ZNF470: variants seen among roughly 807,000 people sequenced by gnomAD.
The protein encoded by ZNF470 is chondrogenesis zinc finger protein 1.
ZNF470 carries 13 observed loss-of-function variants against 13.9 expected under a neutral mutation model. The ratio of observed to expected loss-of-function variants is 0.94; its 90% CI spans 0.61 to 1.49. The LOEUF is 1.49. Ranked by LOEUF, ZNF470 falls within the 40% of genes most tolerant of loss-of-function variation. The pLI is 0.00. For missense variants in ZNF470, 929 were observed against 857.3 expected (o/e 1.08, Z -1.04); for synonymous variants, 293 against 282.9 (o/e 1.04, Z -0.36).
chr19:56,582,453 A>C lies in ZNF470; in HGVS notation c.*3870A>C, dbSNP rs1000377712. On this transcript the variant is annotated 3_prime_UTR_variant, in exon 6 of 6. Transcript: ENST00000330619. The stretch of plus-strand genomic sequence containing the variant: ...CCAAATTTAGAGACTATTTTTATGC[A>C]TTGTTAAAGTGGAATGCTGGTTAAA... The C allele has an allele frequency of 1.0e-6, 1 of 985,270 alleles. No individual in the cohort carries two copies. Among genetic ancestry groups the C allele is most frequent in the African/African-American group, 1.7e-5 (1 of 57,240 alleles). 61.0% of individuals were successfully genotyped at this position (985,270 alleles called of 1,614,324 possible). A position where few individuals can be genotyped will look rare whatever the true frequency, so the allele number is the denominator to read the frequency against.
At chr19:56,574,064 T>A (rs2044472527) in intron 3 of ZNF470, 1 of 536,304 alleles carries the variant, frequency 1.9e-6, no homozygotes, top group African/African-American at 2.1e-5. Context: ...ATTTAGCTCC[T>A]AACATGAATA....
chr19:56,572,371 A>AATATATATATATAT (rs1555772221), intron 3 of ZNF470, among the ~76,000 whole-genome samples: 5 of 17,242 alleles, frequency 2.9e-4, no homozygotes, highest in African/African-American at 1.7e-3. Context: ...AAAAAAAAAA[A>AATATATATATATAT]ATATATATAT....
chr19:56,577,796 A>T lies in ZNF470; in HGVS notation c.1367A>T (p.Asn456Ile). The change falls in exon 6 of 6, where the codon AAT (asparagine) becomes ATT (isoleucine). Residue 456 changes from asparagine to isoleucine, a missense_variant. Physicochemically the swap from Asn to Ile is moderately radical, Grantham distance 149. Transcript: ENST00000330619. ...IHTGEKPYEC[N>I]ICEKAFSHRG... ...ACAGGAGAGAAACCTTATGAATGCA[A>T]TATCTGTGAGAAAGCCTTCAGCCAT... 1 of 1,613,866 alleles carries T rather than the reference A, an allele frequency of 6.2e-7. No individual in the cohort carries two copies. Among genetic ancestry groups the T allele is most frequent in the Non-Finnish European group, 8.5e-7 (1 of 1,179,962 alleles).
intron 5 of ZNF470, among the ~76,000 whole-genome samples, chr19:56,576,114 A>AGAATCAT (rs1190227044): frequency 6.6e-6 from 1 of 152,200 alleles, no homozygotes; most frequent in African/African-American, 2.4e-5. Flanking sequence ...AGAACTTAAA[A>AGAATCAT]GAATCATGTG....
In ZNF470 at chr19:56,579,761, C is replaced by G. The variant is rs1192739646; in HGVS notation, c.*1178C>G. On this transcript the variant is annotated 3_prime_UTR_variant, in exon 6 of 6. Transcript: ENST00000330619. ...TTTAAAATATTTAAAAATAGGAAGGCTAGACATGCCTCTGTATAGAAAATC... is the reference window on the plus strand; with the variant it reads ...TTTAAAATATTTAAAAATAGGAAGGGTAGACATGCCTCTGTATAGAAAATC... 1.0e-6 allele frequency: 1 copy of G among 957,134 alleles called. No homozygotes were observed. The highest frequency in any genetic ancestry group is 1.8e-5 in the African/African-American group (1 of 56,638). The allele number at this position is 957,134 out of a possible 1,614,324, so 59.3% of individuals were successfully genotyped here. A position where few individuals can be genotyped will look rare whatever the true frequency, so the allele number is the denominator to read the frequency against.
intron 3 of ZNF470, among the ~76,000 whole-genome samples, chr19:56,571,144 T>C (rs926020334): frequency 6.6e-6 from 1 of 152,234 alleles, no homozygotes; most frequent in African/African-American, 2.4e-5. Flanking sequence ...CAAAGGTTTG[T>C]TCTCCCCATT....
At chr19:56,574,272 T>G in intron 3 of ZNF470, 122 bp from the exon 4 acceptor site, 1 of 1,428,182 alleles carries the variant, frequency 7.0e-7, no homozygotes, top group Non-Finnish European at 9.8e-7. Flanking sequence ...ATTTAGACCC[T>G]TAGTGCAGTT....
Position 56,581,952 on chromosome 19 carries a change from C to G in ZNF470, c.*3369C>G, listed in dbSNP as rs1362328749. ...TTTGTACTTTCCAAGTCTGTGATTC[C>G]TCAAACTACCCATTGTCTTTCCGGT... On this transcript the variant is annotated 3_prime_UTR_variant, in exon 6 of 6. Transcript: ENST00000330619. 4.2e-5 allele frequency: 41 copies of G among 985,232 alleles called. No homozygotes were observed. Among genetic ancestry groups the G allele is most frequent in the Non-Finnish European group, 4.9e-5 (41 of 829,930 alleles). 61.0% of individuals were successfully genotyped at this position (985,232 alleles called of 1,614,324 possible).
At position 56,577,911 on chromosome 19, in the gene ZNF470, G is replaced by A. The variant is rs772730425; in HGVS notation, c.1482G>A (p.Thr494=). Residue 494 remains threonine (T), a synonymous_variant, in exon 6 of 6, where the codon ACG becomes ACA. Transcript: ENST00000330619. ...GTGGGAAAGCTTTCCGGCAGAGCAC[G>A]CATCTGGCTCATCATCAGAGAATTC... ...KECGKAFRQS[T]HLAHHQRIHT... is the part of the protein sequence containing the mutation. The A allele has an allele frequency of 1.2e-5, 19 of 1,613,498 alleles. No homozygotes were observed. The highest frequency in any genetic ancestry group is 8.0e-5 in the African/African-American group (6 of 74,776).
Position 56,574,523 on chromosome 19 carries a change from A to G in ZNF470, c.187+3A>G, listed in dbSNP as rs1568494573. 6.2e-7 allele frequency: 1 copy of G among 1,613,746 alleles called. No homozygotes were observed. The highest frequency in any genetic ancestry group is 1.1e-5 in the South Asian group (1 of 91,066). ...CTACAGGAACCTAGTTTCAGTGGGT[A>G]AGAGTATCTTCCTCCTGTTGCCTCC... On this transcript the variant is annotated splice_donor_region_variant and intron_variant, in intron 4 of 5. Transcript: ENST00000330619.
At position 56,576,809 on chromosome 19, in the gene ZNF470, G is replaced by C. The variant is rs2044491721; in HGVS notation, c.380G>C (p.Ser127Thr). 3 of 1,579,834 alleles carry C rather than the reference G, an allele frequency of 1.9e-6. No homozygotes were observed. The highest frequency in any genetic ancestry group is 2.6e-6 in the Non-Finnish European group (3 of 1,169,104). The change falls in exon 6 of 6, where the codon AGC becomes ACC. Residue 127 changes from serine (S) to threonine (T), a missense_variant. By Grantham distance (58) the Ser-to-Thr change is moderately conservative. Coordinates refer to ENST00000330619, the MANE Select transcript of ZNF470 (RefSeq NM_001001668.4). Reference protein sequence around the residue: ...PPAIIMERLKSYDLECSTLGK... With the variant: ...PPAIIMERLKTYDLECSTLGK... ...GCAATCATAATGGAAAGACTTAAAA[G>C]CTATGACCTTGAATGTTCAACATTA...
chr19:56,578,039 A>T lies in ZNF470; in HGVS notation c.1610A>T (p.Tyr537Phe), dbSNP rs776691711. 1.8e-5 allele frequency: 29 copies of T among 1,613,906 alleles called. No homozygotes were observed. Among genetic ancestry groups the T allele is most frequent in the Non-Finnish European group, 2.5e-5 (29 of 1,179,990 alleles). ...AAAATACACACTGGGGAGAAACCTT[A>T]TGAATGTAAGGAATGTGGTAAGGCC... The part of the protein sequence containing the change: ...HQKIHTGEKP[Y>F]ECKECGKAFS... The change falls in exon 6 of 6, where the codon TAT becomes TTT. Residue 537 changes from tyrosine to phenylalanine, a missense_variant. Transcript: ENST00000330619.
At chr19:56,573,882 C>T in intron 3 of ZNF470, 6 of 709,534 alleles carry the variant, frequency 8.5e-6, no homozygotes, top group Non-Finnish European at 1.0e-5. Flanking sequence ...AAGACTATAG[C>T]TAGGTGTTTT....
intron 3 of ZNF470, among the ~76,000 whole-genome samples, chr19:56,571,217 A>C (rs553520607): frequency 6.6e-6 from 1 of 152,342 alleles, no homozygotes; most frequent in Non-Finnish European, 1.5e-5. Flanking sequence ...TCTTCTTTCT[A>C]GGTTGAATAC....
At position 56,578,250 on chromosome 19, in the gene ZNF470, C is replaced by T; in HGVS notation, c.1821C>T (p.Ser607=). 6.2e-7 allele frequency: 1 copy of T among 1,613,348 alleles called. No individual in the cohort carries two copies. Among genetic ancestry groups the T allele is most frequent in the Non-Finnish European group, 8.5e-7 (1 of 1,179,692 alleles). ...GGAAGGCATTCAGGCAGAGGGCATC[C>T]TTGATTTGTCATCAGAGATGTCATA... ...ECGKAFRQRA[S]LICHQRCHTG... Residue 607 remains serine (S), a synonymous_variant, in exon 6 of 6, where the codon TCC becomes TCT. Coordinates refer to ENST00000330619, the MANE Select transcript of ZNF470 (RefSeq NM_001001668.4).
At chr19:56,569,916 G>A (rs2044438538) in intron 2 of ZNF470, among the ~76,000 whole-genome samples, 1 of 152,076 alleles carries the variant, frequency 6.6e-6, no homozygotes, top group African/African-American at 2.4e-5. Context: ...CTTGAGCCCA[G>A]AGTTTGAAGA....
Position 56,568,049 on chromosome 19 carries a change from C to CA in ZNF470, c.-159+12dup, listed in dbSNP as rs1600561745. ...GGACTGAGTACACAGGTAAGAGTGA[C>CA]AGATGACGGATGTGGCTGCCGGAGT... On this transcript the variant is annotated intron_variant, in intron 1 of 5. Coordinates refer to ENST00000330619, the MANE Select transcript of ZNF470 (RefSeq NM_001001668.4). The CA allele has an allele frequency of 1.0e-6, 1 of 985,810 alleles. No homozygotes were observed. Among genetic ancestry groups the CA allele is most frequent in the East Asian group, 1.1e-4 (1 of 8,794 alleles). 61.1% of individuals were successfully genotyped at this position (985,810 alleles called of 1,614,324 possible).
At chr19:56,574,327 T>C (rs2044474155) in intron 3 of ZNF470, 67 bp from the exon 4 acceptor site, 2 of 1,609,860 alleles carry the variant, frequency 1.2e-6, no homozygotes, top group Admixed American at 1.7e-5. Context: ...ACAGCATAAC[T>C]CTTTACCCTA....
intron 2 of ZNF470, 136 bp from the exon 3 acceptor site, chr19:56,570,144 G>C: frequency 1.6e-6 from 1 of 615,334 alleles, no homozygotes; most frequent in Non-Finnish European, 2.9e-6. Flanking sequence ...GTCTCCCAAA[G>C]AGCATCAGGA....
Sources: allele counts gnomAD v4.1 joint callset (sites outside exome capture counted in the v4.1 genomes callset), GRCh38; gene constraint gnomAD v4.1.1; transcripts MANE v1.5; gene names NCBI Gene and HGNC (gene_info 2026-07-23, HGNC 2026-07-21).